Variants in TAF3 observed in about 807,000 individuals in gnomAD.
TAF3 encodes TATA-box binding protein associated factor 3, also known as transcription initiation factor TFIID subunit 3.
Under a neutral mutation model 80.6 loss-of-function variants are expected in TAF3, and 7 were observed. That is an observed-to-expected ratio of 0.09 (90% CI 0.05 to 0.16). The LOEUF is 0.16. Ranked by LOEUF, TAF3 falls within the 10% of genes least tolerant of loss-of-function variation. The pLI, the probability that TAF3 is intolerant of heterozygous loss-of-function variation, is 1.00. For synonymous variants in TAF3, 444 were observed against 446.1 expected (o/e 1.00, Z 0.06); for missense variants, 921 against 1,140.2 (o/e 0.81, Z 2.77).
intron 2 of TAF3, among the ~76,000 whole-genome samples, chr10:7,917,597 T>A (rs1837723071): frequency 6.6e-6 from 1 of 152,170 alleles, no homozygotes; most frequent in African/African-American, 2.4e-5. Context: ...TGGTCTAATT[T>A]CTCTTTTAAC....
intron 2 of TAF3, among the ~76,000 whole-genome samples, chr10:7,871,434 G>C (rs1387835231): frequency 1.5e-5 from 1 of 64,774 alleles, no homozygotes; most frequent in Non-Finnish European, 3.1e-5. Flanking sequence ...AATAACTGCT[G>C]CTTTTTTTTT....
At chr10:7,863,608 T>TAAAAAAAAA in intron 2 of TAF3, among the ~76,000 whole-genome samples, 1 of 20,450 alleles carries the variant, frequency 4.9e-5, no homozygotes, top group South Asian at 3.0e-3. Flanking sequence ...AAACTCTGTC[T>TAAAAAAAAA]AAAAAAAAAA....
At chr10:7,930,900 T>C (rs1280371283) in intron 2 of TAF3, among the ~76,000 whole-genome samples, 2 of 152,118 alleles carry the variant, frequency 1.3e-5, no homozygotes, top group Non-Finnish European at 2.9e-5. Flanking sequence ...AAGATGTTAC[T>C]ATCTCTAGAA....
At chr10:7,846,999 C>T (rs1836978888) in intron 2 of TAF3, among the ~76,000 whole-genome samples, 1 of 152,086 alleles carries the variant, frequency 6.6e-6, no homozygotes, top group South Asian at 2.1e-4. Context: ...TTATAGCTTT[C>T]ATTTGAATAC....
intron 2 of TAF3, among the ~76,000 whole-genome samples, chr10:7,863,626 A>T (rs865816163): frequency 0.15 from 7,195 of 47,144 alleles, 995 homozygotes; most frequent in East Asian, 0.52. Context: ...AAAAAAAAAA[A>T]ATATATATAT....
intron 2 of TAF3, among the ~76,000 whole-genome samples, chr10:7,905,734 T>TTAG (rs955185885): frequency 9.0e-4 from 136 of 151,880 alleles, no homozygotes; most frequent in African/African-American, 3.0e-3. Flanking sequence ...ACAAAAAAAA[T>TTAG]TAGTCGGGCG....
Position 7,965,708 on chromosome 10 carries a change from G to A in TAF3, c.2198G>A (p.Arg733Lys), listed in dbSNP as rs758094370. Residue 733 changes from arginine (R) to lysine (K), a missense_variant, in exon 3 of 7, where the codon AGA (arginine) becomes AAA (lysine). Arg to Lys is a conservative substitution (Grantham distance 26). Around this residue, in one of 6 missense-constraint regions of TAF3, gnomAD observed 743 missense variants for 821.0 expected, o/e 0.90. Transcript: ENST00000344293. ...AAAGAGAAGAGAGAGCGAGAGAAGA[G>A]AGAAAAAGAGAAGGAGAAACACAAG... Reference protein sequence around the residue: ...REKEKREREKREKEKEKHKHE... With the variant: ...REKEKREREKKEKEKEKHKHE... The A allele has an allele frequency of 7.7e-6, 12 of 1,549,292 alleles. No homozygotes were observed. The South Asian group carries it at 1.3e-4, about 17-fold the overall frequency.
chr10:7,900,970 G>A (rs142386559), intron 2 of TAF3, among the ~76,000 whole-genome samples: 221 of 152,236 alleles, frequency 1.5e-3, no homozygotes, highest in African/African-American at 4.1e-3. Flanking sequence ...TTGAAGTAGC[G>A]GTGTATGTAG....
intron 2 of TAF3, among the ~76,000 whole-genome samples, chr10:7,890,220 G>T (rs535013533): frequency 6.6e-6 from 1 of 152,286 alleles, no homozygotes; most frequent in South Asian, 2.1e-4. Context: ...TCTGTGCTTG[G>T]AAGGACCATC....
chr10:7,820,036 C>T (rs1244464), intron 1 of TAF3, among the ~76,000 whole-genome samples: 115,463 of 152,112 alleles, frequency 0.76, 44,581 homozygotes, highest in Non-Finnish European at 0.84. Flanking sequence ...ATTTTGCTTA[C>T]CTTTTGCCAG....
chr10:7,983,960 CTG>C (rs1372151637), intron 4 of TAF3, among the ~76,000 whole-genome samples: 1 of 152,172 alleles, frequency 6.6e-6, no homozygotes, highest in Non-Finnish European at 1.5e-5. Context: ...TTTTAAATGA[CTG>C]TATTTAAAAT....
intron 2 of TAF3, among the ~76,000 whole-genome samples, chr10:7,939,386 A>G (rs1837954963): frequency 6.6e-6 from 1 of 152,136 alleles, no homozygotes; most frequent in Non-Finnish European, 1.5e-5. Context: ...ACATACTGAC[A>G]ATAACATTTT....
intron 2 of TAF3, among the ~76,000 whole-genome samples, chr10:7,933,639 C>T (rs1294602351): frequency 6.6e-6 from 1 of 152,168 alleles, no homozygotes; most frequent in African/African-American, 2.4e-5. Context: ...GTGAAAATGT[C>T]CTCAACGTTT....
chr10:7,955,285 G>A (rs1838124500), intron 2 of TAF3, among the ~76,000 whole-genome samples: 1 of 152,180 alleles, frequency 6.6e-6, no homozygotes, highest in Non-Finnish European at 1.5e-5. Flanking sequence ...ACAGTGACAT[G>A]TATGGACTAA....
intron 2 of TAF3, among the ~76,000 whole-genome samples, chr10:7,834,978 T>A (rs1332060387): frequency 6.6e-6 from 1 of 152,232 alleles, no homozygotes; most frequent in Non-Finnish European, 1.5e-5. Context: ...CATTTCAAGA[T>A]AGAACATTAT....
intron 4 of TAF3, among the ~76,000 whole-genome samples, chr10:7,990,578 T>C (rs746146638): frequency 6.6e-6 from 1 of 152,200 alleles, no homozygotes; most frequent in Non-Finnish European, 1.5e-5. Flanking sequence ...TCTACTGTTA[T>C]TATATAGTTT....
chr10:7,856,428 C>T (rs770199007), intron 2 of TAF3, among the ~76,000 whole-genome samples: 5 of 151,966 alleles, frequency 3.3e-5, no homozygotes. Context: ...TGCAGTGAGC[C>T]GAGATCATGC....
Position 8,009,430 on chromosome 10 carries a change from A to C in TAF3, c.2568+100A>C. 7.1e-7 allele frequency: 1 copy of C among 1,405,462 alleles called. No homozygotes were observed. Among genetic ancestry groups the C allele is most frequent in the Non-Finnish European group, 9.4e-7 (1 of 1,068,278 alleles). 87.1% of individuals were successfully genotyped at this position (1,405,462 alleles called of 1,614,324 possible). A position where few individuals can be genotyped will look rare whatever the true frequency, so the allele number is the denominator to read the frequency against. On this transcript the variant is annotated intron_variant, in intron 5 of 6. Coordinates refer to ENST00000344293, the MANE Select transcript of TAF3 (RefSeq NM_031923.4). The surrounding 1 kb of genome is among the most constrained non-coding windows in gnomAD (Gnocchi z 4.1). ...TCGAATTTCAGACGCATTTCTCTTC[A>C]AAATTTTATTATTTACTTAATTATT... is the stretch of plus-strand genomic sequence containing the variant.
intron 2 of TAF3, among the ~76,000 whole-genome samples, chr10:7,858,736 A>G (rs556838700): frequency 1.3e-5 from 2 of 152,316 alleles, no homozygotes; most frequent in East Asian, 1.9e-4. Context: ...TGCTTAGCAC[A>G]TGTTAGCAGC....
Sources: gnomAD v4.1 joint callset for allele counts (sites outside exome capture counted in the v4.1 genomes callset) on GRCh38, gnomAD v4.1.1 for gene constraint, gnomAD v4.1.1 regional missense constraint, Gnocchi (gnomAD v3.1) non-coding constraint, MANE v1.5 for transcripts, NCBI Gene and HGNC (gene_info 2026-07-23, HGNC 2026-07-21) for gene names.